TNRC6C: variants seen among roughly 807,000 people sequenced by gnomAD.
The protein encoded by TNRC6C is trinucleotide repeat containing adaptor 6C, also known as trinucleotide repeat-containing gene 6C protein.
In TNRC6C, 20 loss-of-function variants were observed where a neutral mutation model predicts 153.7. That is an observed-to-expected ratio of 0.13 (90% CI 0.09 to 0.19). The LOEUF (loss-of-function observed/expected upper bound fraction) is 0.19, where lower values mean the gene tolerates loss of function less well. Ranked by LOEUF, TNRC6C falls within the 10% of genes least tolerant of loss-of-function variation. The pLI is 1.00. For synonymous variants in TNRC6C, 811 were observed against 841.4 expected, an observed-to-expected ratio of 0.96 and a Z score of 0.63; for missense variants, 1,987 against 2,172.0, an observed-to-expected ratio of 0.91 and a Z score of 1.69.
intron 13 of TNRC6C, 23 bp downstream of exon 15, chr17:78,087,116 C>G (rs1437352956): frequency 1.2e-6 from 2 of 1,609,620 alleles, no homozygotes; most frequent in Non-Finnish European, 1.7e-6. Context: ...TGGTCTTCAA[C>G]AGCCACATCA....
intron 3 of TNRC6C, among the ~76,000 whole-genome samples, chr17:78,055,712 T>C (rs760299122): frequency 1.3e-5 from 2 of 152,202 alleles, no homozygotes; most frequent in African/African-American, 2.4e-5. Context: ...GAGGGCCCTA[T>C]GCCTGGCACT....
chr17:77,978,849 C>CA (rs1238399922), intron 1 of TNRC6C, among the ~76,000 whole-genome samples: 4 of 152,118 alleles, frequency 2.6e-5, no homozygotes, highest in Non-Finnish European at 2.9e-5. Flanking sequence ...TCACAAAACA[C>CA]AAAAACTTAG....
chr17:78,000,118 G>A (rs151045695), upstream of TNRC6C, among the ~76,000 whole-genome samples: 171 of 152,264 alleles, frequency 1.1e-3, no homozygotes, highest in Middle Eastern at 6.8e-3. Context: ...CATGCTGAGT[G>A]ACTTAAGCAT....
At chr17:77,996,318 A>AG (rs1398508022) in intron 1 of TNRC6C, among the ~76,000 whole-genome samples, 6 of 152,152 alleles carry the variant, frequency 3.9e-5, no homozygotes, top group Non-Finnish European at 7.3e-5. Context: ...AAATTTAAGG[A>AG]GAAAAAAAAG....
chr17:77,974,601 G>A (rs1368794251), intron 1 of TNRC6C, among the ~76,000 whole-genome samples: 1 of 152,130 alleles, frequency 6.6e-6, no homozygotes, highest in African/African-American at 2.4e-5. Flanking sequence ...AGCTGGGACT[G>A]CAGGCACGTG....
At chr17:78,022,415 C>A (rs1460772702) in intron 1 of TNRC6C, among the ~76,000 whole-genome samples, 4 of 152,206 alleles carry the variant, frequency 2.6e-5, no homozygotes, top group Admixed American at 2.0e-4. Flanking sequence ...TTGCTTACTT[C>A]TTCCTTTCTG....
intron 11 of TNRC6C, 63 bp from the exon 14 acceptor site, chr17:78,086,440 T>C: frequency 6.8e-7 from 1 of 1,471,986 alleles, no homozygotes; most frequent in Non-Finnish European, 9.4e-7. Flanking sequence ...GTCAGAAAGT[T>C]GAACCATTAG....
At chr17:77,979,653 A>G (rs1282200270) in intron 1 of TNRC6C, among the ~76,000 whole-genome samples, 1 of 152,210 alleles carries the variant, frequency 6.6e-6, no homozygotes, top group African/African-American at 2.4e-5. Context: ...AGAATAGGTC[A>G]GAAGCAATAG....
chr17:78,008,429 C>T (rs2071561351), intron 1 of TNRC6C: 1 of 152,260 alleles, frequency 6.6e-6, no homozygotes, highest in East Asian at 1.9e-4. Context: ...ACATTCATAC[C>T]CCCATCCTAC....
At chr17:77,972,009 T>G (rs748936479) in intron 1 of TNRC6C, among the ~76,000 whole-genome samples, 3 of 152,052 alleles carry the variant, frequency 2.0e-5, no homozygotes, top group African/African-American at 7.3e-5. Flanking sequence ...TTCTACCTTC[T>G]GAATCTAGAG....
At chr17:77,992,979 T>A (rs1483143392) in intron 1 of TNRC6C, among the ~76,000 whole-genome samples, 2 of 152,150 alleles carry the variant, frequency 1.3e-5, no homozygotes, top group Non-Finnish European at 2.9e-5. Context: ...TTTTATTTTT[T>A]TTTTGAGATG....
In TNRC6C at chr17:78,104,961, A is replaced by C; in HGVS notation, c.*116A>C. 13 of 1,299,376 alleles carry C rather than the reference A, an allele frequency of 1.0e-5. No homozygotes were observed. Among genetic ancestry groups the C allele is most frequent in the Non-Finnish European group, 1.3e-5 (13 of 1,016,006 alleles). 80.5% of individuals were successfully genotyped at this position (1,299,376 alleles called of 1,614,324 possible). Reference sequence around the variant, plus strand: ...GCCGCCCTTTTGAGTACCTCTGTCCAGGACTGAAGACGAACCTTGGCCGCA... The same window carrying C: ...GCCGCCCTTTTGAGTACCTCTGTCCCGGACTGAAGACGAACCTTGGCCGCA... On this transcript the variant is annotated 3_prime_UTR_variant, in exon 20 of 20. Transcript: ENST00000301624. The surrounding 1 kb of genome is among the most constrained non-coding windows in gnomAD (Gnocchi z 6.2).
intron 1 of TNRC6C, among the ~76,000 whole-genome samples, chr17:78,030,863 C>T (rs1243624625): frequency 6.6e-6 from 1 of 152,114 alleles, no homozygotes; most frequent in Non-Finnish European, 1.5e-5. Flanking sequence ...CTTTAGGAGG[C>T]TGAGGCGAGC....
At chr17:77,964,312 A>G (rs1196952166) in intron 1 of TNRC6C, among the ~76,000 whole-genome samples, 2 of 152,218 alleles carry the variant, frequency 1.3e-5, no homozygotes, top group East Asian at 1.9e-4. Context: ...GGATTGAACT[A>G]CAAACCTATA....
chr17:78,098,657 CT>C, intron 17 of TNRC6C, 120 bp downstream of exon 20: 1 of 1,179,458 alleles, frequency 8.5e-7, no homozygotes, highest in Non-Finnish European at 1.2e-6. Context: ...CCTGGGAGGG[CT>C]TAGGAGGGCA....
intron 4 of TNRC6C, 141 bp downstream of exon 6, chr17:78,065,078 G>C: frequency 2.0e-6 from 2 of 1,002,890 alleles, no homozygotes; most frequent in South Asian, 3.0e-5. Flanking sequence ...GCCAAGCACA[G>C]TGCCTCACAC....
At chr17:78,107,348 TTAA>T (rs1370811964) in exon 20 of TNRC6C, 4 of 152,232 alleles carry the variant, frequency 2.6e-5, no homozygotes, top group Non-Finnish European at 5.9e-5. Flanking sequence ...TTCGTGGCTC[TTAA>T]TGTTTTCCTC....
At chr17:77,986,502 C>G (rs924623884) in intron 1 of TNRC6C, among the ~76,000 whole-genome samples, 3 of 151,262 alleles carry the variant, frequency 2.0e-5, no homozygotes, top group African/African-American at 2.4e-5. Flanking sequence ...AAAATTAATT[C>G]TTACAGAGCT....
intron 1 of TNRC6C, among the ~76,000 whole-genome samples, chr17:77,973,359 A>G (rs1184428968): frequency 6.6e-6 from 1 of 152,228 alleles, no homozygotes; most frequent in Non-Finnish European, 1.5e-5. Flanking sequence ...AAAAGCACAT[A>G]TATGAAAAAC....
Sources: gnomAD v4.1 joint callset for allele counts (sites outside exome capture counted in the v4.1 genomes callset) on GRCh38, gnomAD v4.1.1 for gene constraint, Gnocchi (gnomAD v3.1) non-coding constraint, MANE v1.5 for transcripts, NCBI Gene and HGNC (gene_info 2026-07-23, HGNC 2026-07-21) for gene names.